Variants in GYG2 observed in about 807,000 individuals in gnomAD.
The protein encoded by GYG2 is glycogenin 2, also known as glycogenin-2.
GYG2 carries 29 observed loss-of-function variants against 29.4 expected under a neutral mutation model. The ratio of observed to expected loss-of-function variants is 0.99; its 90% CI spans 0.74 to 1.35. The LOEUF (loss-of-function observed/expected upper bound fraction) is 1.35. Ranked by LOEUF, GYG2 falls within the 40% of genes most tolerant of loss-of-function variation. GYG2 has a pLI of 0.00. For synonymous variants in GYG2, 167 were observed against 172.3 expected, an observed-to-expected ratio of 0.97 and a Z score of 0.24; for missense variants, 370 against 385.7, an observed-to-expected ratio of 0.96 and a Z score of 0.34.
chrX:2,853,348 C>A (rs188455366), intron 3 of GYG2, among the ~76,000 whole-genome samples: 114 of 110,292 alleles, frequency 1.0e-3, no homozygotes, highest in African/African-American at 3.6e-3. Flanking sequence ...GTAGCTGGGA[C>A]TACAGGCGCC....
intron 6 of GYG2, among the ~76,000 whole-genome samples, chrX:2,859,136 C>T (rs1001063132): frequency 8.9e-6 from 1 of 111,780 alleles, no homozygotes; most frequent in African/African-American, 3.2e-5. Context: ...GAAACTACTA[C>T]TACTATGCTG....
At chrX:2,846,364 C>T (rs981198888) in intron 3 of GYG2, among the ~76,000 whole-genome samples, 130 of 108,130 alleles carry the variant, frequency 1.2e-3, no homozygotes, top group African/African-American at 4.0e-3. Context: ...TGTGACTCAC[C>T]GTGCCCAGCC....
intron 6 of GYG2, among the ~76,000 whole-genome samples, chrX:2,858,083 T>A (rs1158337594): frequency 2.4e-5 from 2 of 83,578 alleles, no homozygotes; most frequent in African/African-American, 6.9e-5. Context: ...GCATAATGGT[T>A]TGATTTTTTT....
chrX:2,880,287 T>C lies in GYG2; in HGVS notation c.1252-765T>C, dbSNP rs550037378. 3.1e-4 allele frequency among the ~76,000 whole-genome samples: 34 copies of C among 110,822 alleles called. No homozygotes were observed. In the South Asian group the frequency reaches 0.012, roughly 38 times the overall value. On this transcript the variant is annotated intron_variant, in intron 10 of 10. Transcript: ENST00000398806. ...AAACTATCTGAATTATTATTTAAAT[T>C]CCTTTGCCAAGCAGTCCAAATTCTT...
chrX:2,834,400 C>T (rs1204529256), intron 2 of GYG2, among the ~76,000 whole-genome samples: 2 of 112,266 alleles, frequency 1.8e-5, no homozygotes, highest in Non-Finnish European at 3.8e-5. Context: ...CATATTCATT[C>T]TTGTTTGTTG....
At chrX:2,879,851 A>G (rs2088681079) in intron 10 of GYG2, among the ~76,000 whole-genome samples, 1 of 111,502 alleles carries the variant, frequency 9.0e-6, no homozygotes, top group Non-Finnish European at 1.9e-5. Flanking sequence ...ATAAATAGGT[A>G]GATAGATGAT....
chrX:2,829,671 G>C (rs1309977110), intron 1 of GYG2, among the ~76,000 whole-genome samples: 1 of 108,279 alleles, frequency 9.2e-6, no homozygotes, highest in South Asian at 4.2e-4. Context: ...CCAGGGAGTG[G>C]AGAGGGGTGA....
intron 8 of GYG2, among the ~76,000 whole-genome samples, chrX:2,863,657 C>A (rs779199982): frequency 2.7e-5 from 3 of 112,352 alleles, no homozygotes; most frequent in Non-Finnish European, 5.6e-5. Context: ...GGTGATTTCA[C>A]ATTGACCCAA....
chrX:2,835,742 C>T (rs1213670445), intron 2 of GYG2, among the ~76,000 whole-genome samples: 1 of 110,535 alleles, frequency 9.0e-6, no homozygotes. Context: ...GCCTTCAGAA[C>T]TGCAAGAGAG....
chrX:2,880,314 T>C (rs2088692133), intron 10 of GYG2, among the ~76,000 whole-genome samples: 1 of 111,041 alleles, frequency 9.0e-6, no homozygotes, highest in Admixed American at 9.6e-5. Flanking sequence ...CAAATTCTTA[T>C]AGGCTTTACT....
intron 8 of GYG2, among the ~76,000 whole-genome samples, chrX:2,862,000 C>T (rs1017455891): frequency 1.8e-5 from 2 of 111,589 alleles, no homozygotes; most frequent in African/African-American, 6.5e-5. Context: ...AAATGAGGGA[C>T]CCTGAGCTGG....
chrX:2,860,108 A>AT, intron 7 of GYG2, 43 bp downstream of exon 7: 1 of 870,826 alleles, frequency 1.1e-6, no homozygotes, highest in Non-Finnish European at 1.6e-6. Context: ...GAGGACGAGG[A>AT]GAACATCCTT....
At chrX:2,830,794 C>T (rs1227672687) in intron 2 of GYG2, among the ~76,000 whole-genome samples, 4 of 111,997 alleles carry the variant, frequency 3.6e-5, no homozygotes. Context: ...ATTGCGGCAC[C>T]TGCCTGTAGT....
At chrX:2,836,409 C>T (rs1407246201) in intron 2 of GYG2, among the ~76,000 whole-genome samples, 5 of 111,031 alleles carry the variant, frequency 4.5e-5, no homozygotes, top group Non-Finnish European at 7.5e-5. Flanking sequence ...TGGCTCACAC[C>T]TGTAATCCTA....
intron 7 of GYG2, among the ~76,000 whole-genome samples, chrX:2,860,932 G>A (rs73632946): frequency 0.01 from 1,145 of 109,770 alleles, 15 homozygotes; most frequent in African/African-American, 0.034. Context: ...GTTTTGCCAC[G>A]TTGGCCAGGC....
chrX:2,835,846 C>T (rs1372661007), intron 2 of GYG2, among the ~76,000 whole-genome samples: 4 of 111,420 alleles, frequency 3.6e-5, no homozygotes, highest in Non-Finnish European at 7.5e-5. Flanking sequence ...AAGGAGTCAG[C>T]GATGAGCCCA....
intron 10 of GYG2, 30 bp downstream of exon 10, chrX:2,877,337 G>A (rs2088625718): frequency 8.3e-7 from 1 of 1,200,719 alleles, no homozygotes; most frequent in Non-Finnish European, 1.1e-6. Context: ...CCTTGCCCAA[G>A]GCTCCCGGTG....
At chrX:2,877,116 G>C in intron 9 of GYG2, 84 bp from the exon 10 acceptor site, 1 of 1,146,218 alleles carries the variant, frequency 8.7e-7, no homozygotes, top group Non-Finnish European at 1.2e-6. Flanking sequence ...TTTACCCCAG[G>C]ATAAAGAGTT....
chrX:2,863,096 G>A (rs1436768869), intron 8 of GYG2, among the ~76,000 whole-genome samples: 1 of 105,545 alleles, frequency 9.5e-6, no homozygotes, highest in Non-Finnish European at 2.0e-5. Flanking sequence ...TTTTTTTGAG[G>A]CGGAGTCTCT....
Sources: gnomAD v4.1 joint callset for allele counts (sites outside exome capture counted in the v4.1 genomes callset) on GRCh38, gnomAD v4.1.1 for gene constraint, MANE v1.5 for transcripts, NCBI Gene and HGNC (gene_info 2026-07-23, HGNC 2026-07-21) for gene names.